The following DEFB125 variants were observed in gnomAD, a reference collection of about 807,000 sequenced individuals.
DEFB125 encodes defensin beta 125.
Under a neutral mutation model 11.8 loss-of-function variants are expected in DEFB125, and 11 were observed. The ratio of observed to expected loss-of-function variants is 0.94; its 90% CI spans 0.59 to 1.55. The LOEUF (loss-of-function observed/expected upper bound fraction) is 1.55, where lower values mean the gene tolerates loss of function less well. Ranked by LOEUF, DEFB125 falls within the 40% of genes most tolerant of loss-of-function variation. The pLI is 0.00. For synonymous variants in DEFB125, 79 were observed against 66.7 expected, an observed-to-expected ratio of 1.18 and a Z score of -0.90; for missense variants, 198 against 191.2, an observed-to-expected ratio of 1.04 and a Z score of -0.21.
chr20:93,817 G>A (rs1370754902), intron 1 of DEFB125, among the ~76,000 whole-genome samples: 1 of 152,172 alleles, frequency 6.6e-6, no homozygotes, highest in East Asian at 1.9e-4. Context: ...AGCTGTCTCT[G>A]GATCATCTGT....
intron 1 of DEFB125, among the ~76,000 whole-genome samples, chr20:95,059 G>A (rs767046711): frequency 5.8e-4 from 89 of 152,148 alleles, no homozygotes; most frequent in Non-Finnish European, 7.8e-4. Flanking sequence ...CCTTTTCTTG[G>A]ATTTCTTGCT....
chr20:95,951 G>A, intron 1 of DEFB125, 54 bp from the exon 2 acceptor site: 1 of 1,490,544 alleles, frequency 6.7e-7, no homozygotes, highest in South Asian at 1.4e-5. Flanking sequence ...TGAATGAAAA[G>A]TTGTTATGTT....
At chr20:93,398 A>T (rs535207414) in intron 1 of DEFB125, among the ~76,000 whole-genome samples, 132 of 152,230 alleles carry the variant, frequency 8.7e-4, no homozygotes, top group Middle Eastern at 6.8e-3. Context: ...TTTTCTTTGG[A>T]TCTAAACTTC....
At chr20:91,542 T>C (rs2054496165) in intron 1 of DEFB125, among the ~76,000 whole-genome samples, 1 of 152,210 alleles carries the variant, frequency 6.6e-6, no homozygotes, top group African/African-American at 2.4e-5. Context: ...CTCCATGTGA[T>C]TTTTGTCTGT....
At chr20:91,708 A>C (rs1002195555) in intron 1 of DEFB125, among the ~76,000 whole-genome samples, 2 of 152,240 alleles carry the variant, frequency 1.3e-5, no homozygotes, top group African/African-American at 4.8e-5. Flanking sequence ...AATTTTGAAG[A>C]ATAATTGACA....
chr20:88,644 G>T (rs544973448), intron 1 of DEFB125, among the ~76,000 whole-genome samples: 14 of 152,100 alleles, frequency 9.2e-5, no homozygotes, highest in African/African-American at 3.4e-4. Flanking sequence ...CATGTGAATT[G>T]TTCTGCAATG....
At chr20:93,562 T>C (rs1348063438) in intron 1 of DEFB125, among the ~76,000 whole-genome samples, 2 of 152,176 alleles carry the variant, frequency 1.3e-5, no homozygotes, top group African/African-American at 2.4e-5. Context: ...TTTTCCTGCC[T>C]TCATCATTTT....
In DEFB125 at chr20:96,188, A is replaced by G; in HGVS notation, c.242A>G (p.Asp81Gly). 6.2e-7 allele frequency: 1 copy of G among 1,614,208 alleles called. No homozygotes were observed. Among genetic ancestry groups the G allele is most frequent in the Non-Finnish European group, 8.5e-7 (1 of 1,180,036 alleles). ...ATTCACCTAGAGGATATAACATTGG[A>G]TTATAGTGATGTGGACTCTTTTACT... Reference protein sequence around the residue: ...PVIHLEDITLDYSDVDSFTGS... With the variant: ...PVIHLEDITLGYSDVDSFTGS... The change falls in exon 2 of 2, where the codon GAT (aspartate) becomes GGT (glycine). Residue 81 changes from aspartate (D) to glycine (G), a missense_variant. Asp to Gly is a moderately conservative substitution (Grantham distance 94). Coordinates refer to ENST00000382410, the MANE Select transcript of DEFB125 (RefSeq NM_153325.4).
At chr20:94,545 C>T (rs2122978719) in intron 1 of DEFB125, among the ~76,000 whole-genome samples, 2 of 152,206 alleles carry the variant, frequency 1.3e-5, no homozygotes, top group Middle Eastern at 3.4e-3. Flanking sequence ...TCCTATGAGA[C>T]TCTAATGCCT....
intron 1 of DEFB125, among the ~76,000 whole-genome samples, chr20:88,166 G>A (rs773432296): frequency 2.0e-5 from 3 of 152,148 alleles, no homozygotes; most frequent in Non-Finnish European, 4.4e-5. Flanking sequence ...GGTACCTTCA[G>A]AGGGAGGCCC....
chr20:88,839 T>C (rs1600133470), intron 1 of DEFB125, among the ~76,000 whole-genome samples: 1 of 139,440 alleles, frequency 7.2e-6, no homozygotes, highest in Non-Finnish European at 1.6e-5. Context: ...CAAATGTATG[T>C]CTTTTCATTT....
Position 87,694 on chromosome 20 carries a change from C to T in DEFB125, c.-16C>T. ...TGTATTCCTCAGGACACAGAGCTTC[C>T]TCTCTCCCAGGAGCCATGAATATCC... On this transcript the variant is annotated 5_prime_UTR_variant, in exon 1 of 2. Transcript: ENST00000382410. 6.2e-7 allele frequency: 1 copy of T among 1,612,848 alleles called. No individual in the cohort carries two copies. The highest frequency in any genetic ancestry group is 8.5e-7 in the Non-Finnish European group (1 of 1,178,998).
chr20:90,006 C>G (rs896700571), intron 1 of DEFB125, among the ~76,000 whole-genome samples: 11 of 152,104 alleles, frequency 7.2e-5, no homozygotes, highest in African/African-American at 2.4e-4. Flanking sequence ...GCTTGTGAAG[C>G]AACTTTTTAC....
chr20:95,917 T>C (rs926211300), intron 1 of DEFB125, 88 bp from the exon 2 acceptor site: 3 of 1,228,684 alleles, frequency 2.4e-6, no homozygotes, highest in Admixed American at 2.3e-5. Flanking sequence ...TTAGTCTAGA[T>C]GTCAGTCAGT....
rs1568457663 is a variant in DEFB125 at position 96,523 on chromosome 20, T to C, written c.*106T>C. 1 of 1,366,406 alleles carries C rather than the reference T, an allele frequency of 7.3e-7. No homozygotes were observed. Among genetic ancestry groups the C allele is most frequent in the Non-Finnish European group, 9.9e-7 (1 of 1,009,876 alleles). 84.6% of individuals were successfully genotyped at this position (1,366,406 alleles called of 1,614,324 possible). On this transcript the variant is annotated 3_prime_UTR_variant, in exon 2 of 2. Transcript: ENST00000382410. The stretch of plus-strand genomic sequence containing the variant: ...TCACCAGGAAAATTCCATCAGGGAT[T>C]GGATGACCATGGGGATGGACATAAT...
At chr20:93,497 C>T (rs967231795) in intron 1 of DEFB125, among the ~76,000 whole-genome samples, 1 of 152,120 alleles carries the variant, frequency 6.6e-6, no homozygotes, top group Non-Finnish European at 1.5e-5. Context: ...TCATACCACT[C>T]GGAAGCTGCT....
At chr20:89,280 C>A (rs2054487988) in intron 1 of DEFB125, among the ~76,000 whole-genome samples, 1 of 152,008 alleles carries the variant, frequency 6.6e-6, no homozygotes, top group Non-Finnish European at 1.5e-5. Context: ...ATGTGAGTTA[C>A]AGAATTAATA....
At chr20:94,109 A>G (rs1222016448) in intron 1 of DEFB125, among the ~76,000 whole-genome samples, 1 of 152,030 alleles carries the variant, frequency 6.6e-6, no homozygotes, top group African/African-American at 2.4e-5. Context: ...ATAAAAACTA[A>G]ATGCTATTTT....
intron 1 of DEFB125, among the ~76,000 whole-genome samples, chr20:95,777 C>T (rs1025382840): frequency 2.2e-4 from 34 of 152,034 alleles, no homozygotes; most frequent in African/African-American, 7.5e-4. Flanking sequence ...TCTCTCTCTC[C>T]GTCCCTCTCT....
Sources: allele counts gnomAD v4.1 joint callset (sites outside exome capture counted in the v4.1 genomes callset), GRCh38; gene constraint gnomAD v4.1.1; transcripts MANE v1.5; gene names NCBI Gene and HGNC (gene_info 2026-07-23, HGNC 2026-07-21).